The following NEGR1 variants were observed in gnomAD, a reference collection of about 807,000 sequenced individuals.
NEGR1 encodes the protein neuronal growth regulator 1.
In NEGR1, 10 loss-of-function variants were observed where a neutral mutation model predicts 40.9. The ratio of observed to expected loss-of-function variants is 0.24; its 90% CI spans 0.15 to 0.42. NEGR1 has a LOEUF of 0.42. NEGR1 is among the 10% of genes least tolerant of loss of function. The probability of loss-of-function intolerance (pLI) is 1.00; values close to 1 mark genes in which losing one functional copy is unlikely to be tolerated. For missense variants in NEGR1, 352 were observed against 438.9 expected (o/e 0.80, Z 1.77); for synonymous variants, 185 against 166.8 (o/e 1.11, Z -0.84).
At chr1:71,666,874 C>G (rs1652261721) in intron 4 of NEGR1, among the ~76,000 whole-genome samples, 1 of 152,098 alleles carries the variant, frequency 6.6e-6, no homozygotes. Flanking sequence ...TAAAGCCATT[C>G]TATTATTTTC....
chr1:71,526,495 G>T (rs1398925357), intron 6 of NEGR1, among the ~76,000 whole-genome samples: 2 of 151,208 alleles, frequency 1.3e-5, no homozygotes, highest in African/African-American at 4.8e-5. Context: ...CATTTGGCAT[G>T]ACATTTATGG....
At chr1:71,837,184 T>C (rs114313290) in intron 2 of NEGR1, among the ~76,000 whole-genome samples, 112 of 152,276 alleles carry the variant, frequency 7.4e-4, no homozygotes, top group African/African-American at 2.5e-3. Context: ...CAGATTGCTT[T>C]TGAAGAGTAG....
At chr1:71,647,388 T>C (rs771328191) in intron 4 of NEGR1, among the ~76,000 whole-genome samples, 3 of 151,954 alleles carry the variant, frequency 2.0e-5, no homozygotes, top group Non-Finnish European at 4.4e-5. Flanking sequence ...AGGATTTGCA[T>C]TGGTCTCATG....
At chr1:71,639,553 CAT>C (rs1452863089) in intron 4 of NEGR1, among the ~76,000 whole-genome samples, 3 of 152,012 alleles carry the variant, frequency 2.0e-5, no homozygotes, top group African/African-American at 7.2e-5. Flanking sequence ...CACCTCTGCA[CAT>C]GTTTGTAGGA....
intron 4 of NEGR1, among the ~76,000 whole-genome samples, chr1:71,688,355 T>TATATATGA (rs60557423): frequency 2.5e-5 from 1 of 40,498 alleles, no homozygotes; most frequent in African/African-American, 8.7e-5. Context: ...GATAGATAGA[T>TATATATGA]TATATATATA....
rs572973874 is a variant in NEGR1, at chr1:72,124,317, TCTC to T, written c.176+157999_176+158001del. Among the ~76,000 whole-genome samples the T allele has an allele frequency of 1.4e-4, 22 of 151,950 alleles. No homozygotes were observed. In the East Asian group the frequency reaches 4.1e-3, roughly 28 times the overall value. ...TCAAGGTAAATTCCCTAGGTAGACT[TCTC>T]CTACTATTATGGCCCTGCTTACCCA... is the stretch of plus-strand genomic sequence containing the variant. On this transcript the variant is annotated intron_variant, in intron 1 of 6. Transcript: ENST00000357731.
At chr1:71,487,426 C>A (rs192484246) in intron 6 of NEGR1, among the ~76,000 whole-genome samples, 8 of 151,706 alleles carry the variant, frequency 5.3e-5, no homozygotes, top group Non-Finnish European at 8.9e-5. Flanking sequence ...AGTTGTAGCC[C>A]CTCTGATTAT....
In NEGR1 at chr1:71,404,909, A is replaced by T. The variant is rs372225693; in HGVS notation, c.*2537T>A. On this transcript the variant is annotated 3_prime_UTR_variant, in exon 7 of 7. Transcript: ENST00000357731. ...GTAAAATCATCTACTTGAACATTAT[A>T]TGCAATACATTCACACAAAAAAGCA... The T allele has an allele frequency of 6.6e-6, 1 of 152,246 alleles. No homozygotes were observed. 9.4% of individuals were successfully genotyped at this position (152,246 alleles called of 1,614,324 possible).
At chr1:71,747,491 C>T (rs1033526906) in intron 3 of NEGR1, among the ~76,000 whole-genome samples, 1 of 151,642 alleles carries the variant, frequency 6.6e-6, no homozygotes, top group African/African-American at 2.4e-5. Context: ...GTGGCATGAC[C>T]TCAGTTCAAT....
chr1:71,569,983 G>A (rs954663636), intron 6 of NEGR1, among the ~76,000 whole-genome samples: 5 of 88,340 alleles, frequency 5.7e-5, no homozygotes, highest in Non-Finnish European at 8.1e-5. Context: ...CAAGGTTCTA[G>A]CTTCATTTTG....
At chr1:71,898,981 C>CATATATAT (rs55674579) in intron 2 of NEGR1, among the ~76,000 whole-genome samples, 1,358 of 50,830 alleles carry the variant, frequency 0.027, 52 homozygotes, top group African/African-American at 0.068. Context: ...ATATATATAG[C>CATATATAT]ATATATATAT....
chr1:71,492,566 C>T (rs2101387663), intron 6 of NEGR1, among the ~76,000 whole-genome samples: 1 of 152,164 alleles, frequency 6.6e-6, no homozygotes, highest in Non-Finnish European at 1.5e-5. Flanking sequence ...CTTCTCTAAA[C>T]AGTAAGCAGC....
At chr1:71,530,992 C>T (rs1034777608) in intron 6 of NEGR1, among the ~76,000 whole-genome samples, 5 of 151,190 alleles carry the variant, frequency 3.3e-5, no homozygotes, top group African/African-American at 9.7e-5. Flanking sequence ...TATTGACTTA[C>T]TCAATTTTCA....
At chr1:71,838,409 A>T (rs539816172) in intron 2 of NEGR1, among the ~76,000 whole-genome samples, 1 of 152,250 alleles carries the variant, frequency 6.6e-6, no homozygotes, top group African/African-American at 2.4e-5. Flanking sequence ...CTACAGAAAG[A>T]TGCATTTAAA....
intron 1 of NEGR1, among the ~76,000 whole-genome samples, chr1:72,004,622 A>AAATT (rs1452667405): frequency 1.3e-5 from 2 of 152,142 alleles, no homozygotes; most frequent in Non-Finnish European, 2.9e-5. Flanking sequence ...CTACATAATA[A>AAATT]AATTATGCAT....
intron 1 of NEGR1, among the ~76,000 whole-genome samples, chr1:72,124,989 T>C (rs2630405): frequency 0.24 from 36,821 of 151,978 alleles, 4,784 homozygotes; most frequent in East Asian, 0.34. Flanking sequence ...TTATGGCGTA[T>C]ATAAAAGTCA....
intron 4 of NEGR1, among the ~76,000 whole-genome samples, chr1:71,633,705 G>A (rs185628343): frequency 6.6e-6 from 1 of 152,198 alleles, no homozygotes; most frequent in East Asian, 1.9e-4. Flanking sequence ...ACTGGTATTT[G>A]CAAGTACATG....
intron 6 of NEGR1, among the ~76,000 whole-genome samples, chr1:71,546,615 C>T (rs1647903590): frequency 1.3e-5 from 2 of 151,536 alleles, no homozygotes; most frequent in Admixed American, 6.6e-5. Context: ...GTTGGCAGTA[C>T]TATTACTATC....
chr1:71,408,337 A>T (rs904004230), intron 6 of NEGR1, among the ~76,000 whole-genome samples: 2 of 152,190 alleles, frequency 1.3e-5, no homozygotes, highest in Middle Eastern at 3.4e-3. Context: ...AATGACCTCT[A>T]CTGTAATGAA....
Sources: allele counts gnomAD v4.1 joint callset (sites outside exome capture counted in the v4.1 genomes callset), GRCh38; gene constraint gnomAD v4.1.1; transcripts MANE v1.5; gene names NCBI Gene and HGNC (gene_info 2026-07-23, HGNC 2026-07-21).